ERC1: variants seen among roughly 807,000 people sequenced by gnomAD.
ERC1 encodes the protein RAB6 interacting protein 2.
Under a neutral mutation model 132.0 loss-of-function variants are expected in ERC1, and 56 were observed. The observed-to-expected ratio is 0.42, with a 90% CI of 0.34 to 0.53. The LOEUF is 0.53. Among genes scored for constraint, ERC1 ranks in the 20% least tolerant of loss-of-function variants. ERC1 has a pLI of 0.03. For synonymous variants in ERC1, 478 were observed against 476.1 expected (o/e 1.00, Z -0.05); for missense variants, 1,202 against 1,349.9 (o/e 0.89, Z 1.72).
intron 18 of ERC1, among the ~76,000 whole-genome samples, chr12:1,477,295 T>G (rs1010656787): frequency 4.6e-5 from 7 of 152,240 alleles, no homozygotes; most frequent in Non-Finnish European, 7.3e-5. Flanking sequence ...AGAATAATAC[T>G]TGGCCCATAA....
intron 8 of ERC1, among the ~76,000 whole-genome samples, chr12:1,155,726 C>T (rs1192736249): frequency 6.6e-6 from 1 of 152,134 alleles, no homozygotes; most frequent in Non-Finnish European, 1.5e-5. Context: ...CTGCCTCAGC[C>T]TCCCAAAGTG....
At chr12:1,107,828 G>A (rs925200051) in intron 4 of ERC1, among the ~76,000 whole-genome samples, 3 of 152,122 alleles carry the variant, frequency 2.0e-5, no homozygotes, top group African/African-American at 4.8e-5. Flanking sequence ...CTCCTTTGTG[G>A]TGTTGGGGTG....
chr12:1,349,110 AT>A (rs2084757712), intron 15 of ERC1, among the ~76,000 whole-genome samples: 1 of 152,202 alleles, frequency 6.6e-6, no homozygotes, highest in East Asian at 1.9e-4. Context: ...CTCAAAACAT[AT>A]TCAACAAGTA....
At chr12:1,052,152 T>C (rs1972133502) in intron 2 of ERC1, among the ~76,000 whole-genome samples, 1 of 152,216 alleles carries the variant, frequency 6.6e-6, no homozygotes, top group South Asian at 2.1e-4. Flanking sequence ...TCCTCAGAAT[T>C]TCTGATCGAG....
At chr12:1,389,690 AAATT>A (rs1432072923) in intron 16 of ERC1, among the ~76,000 whole-genome samples, 1 of 152,234 alleles carries the variant, frequency 6.6e-6, no homozygotes, top group Admixed American at 6.5e-5. Flanking sequence ...TTTGATATAT[AAATT>A]AATAAAGCTC....
At chr12:1,172,587 C>T (rs987664947) in intron 8 of ERC1, among the ~76,000 whole-genome samples, 12 of 152,126 alleles carry the variant, frequency 7.9e-5, no homozygotes, top group Non-Finnish European at 1.5e-4. Flanking sequence ...TTATCATTGA[C>T]GGCACAGATG....
chr12:1,289,929 G>A lies in ERC1; in HGVS notation c.2697G>A (p.Gln899=). The A allele has an allele frequency of 6.2e-7, 1 of 1,613,842 alleles. No individual in the cohort carries two copies. The highest frequency in any genetic ancestry group is 8.5e-7 in the Non-Finnish European group (1 of 1,179,736). Residue 899 remains glutamine (Q), a synonymous_variant, in exon 15 of 19, where the codon CAG becomes CAA. Transcript: ENST00000360905. ...TGAAAGCAAAGCTGTCCTCCACCCA[G>A]CAGTCTCTGGCAGAAAAGGAAACTC... is the stretch of plus-strand genomic sequence containing the variant. ...ESMKAKLSST[Q]QSLAEKETHL... is the part of the protein sequence containing the mutation.
chr12:1,486,346 T>C (rs1362217992), intron 18 of ERC1, among the ~76,000 whole-genome samples: 3 of 151,844 alleles, frequency 2.0e-5, no homozygotes, highest in Non-Finnish European at 4.4e-5. Context: ...GGTAATATTC[T>C]AGGTGATTTT....
chr12:1,202,040 T>C (rs917448439), intron 12 of ERC1, among the ~76,000 whole-genome samples: 3 of 152,188 alleles, frequency 2.0e-5, no homozygotes, highest in African/African-American at 7.2e-5. Flanking sequence ...ACCAGCATAT[T>C]ACAACTGAAG....
chr12:1,375,291 G>C (rs1018505559), intron 16 of ERC1, among the ~76,000 whole-genome samples: 2 of 152,132 alleles, frequency 1.3e-5, no homozygotes, highest in Non-Finnish European at 2.9e-5. Flanking sequence ...ATCAAGCGAG[G>C]AACTGCCACA....
At chr12:1,240,701 G>A (rs1002384193) in intron 13 of ERC1, among the ~76,000 whole-genome samples, 2 of 151,822 alleles carry the variant, frequency 1.3e-5, no homozygotes, top group Non-Finnish European at 2.9e-5. Flanking sequence ...AGCTTTGGTC[G>A]TATACCTTTG....
At chr12:1,142,145 A>T (rs1379548734) in intron 8 of ERC1, among the ~76,000 whole-genome samples, 1 of 152,154 alleles carries the variant, frequency 6.6e-6, no homozygotes, top group Non-Finnish European at 1.5e-5. Flanking sequence ...AACTTCATTT[A>T]TGTGTTTAAT....
chr12:1,392,421 TA>T (rs1321154274), intron 16 of ERC1, among the ~76,000 whole-genome samples: 1 of 152,188 alleles, frequency 6.6e-6, no homozygotes, highest in Non-Finnish European at 1.5e-5. Flanking sequence ...AAGTAATCAG[TA>T]GGTTGAATTT....
chr12:1,487,667 C>G (rs1263293039), intron 18 of ERC1, among the ~76,000 whole-genome samples: 7 of 151,318 alleles, frequency 4.6e-5, no homozygotes, highest in Non-Finnish European at 4.4e-5. Flanking sequence ...CCACAGTGAG[C>G]CTGATCAAAC....
chr12:1,179,758 C>T (rs1315350786), intron 8 of ERC1, among the ~76,000 whole-genome samples: 1 of 152,138 alleles, frequency 6.6e-6, no homozygotes, highest in Non-Finnish European at 1.5e-5. Context: ...CTGCCCGCCT[C>T]GGCCTCCCAA....
intron 2 of ERC1, among the ~76,000 whole-genome samples, chr12:1,069,598 A>G (rs1314759020): frequency 6.6e-6 from 1 of 152,234 alleles, no homozygotes; most frequent in Non-Finnish European, 1.5e-5. Flanking sequence ...ATTCAAGTAA[A>G]CAATCCTTAT....
chr12:1,380,418 C>T (rs767944523), intron 16 of ERC1: 2 of 152,252 alleles, frequency 1.3e-5, no homozygotes, highest in Non-Finnish European at 2.9e-5. Flanking sequence ...CCATCTGTCT[C>T]CTTCTCAGAT....
chr12:1,062,174 A>G (rs12825699), intron 2 of ERC1, among the ~76,000 whole-genome samples: 2,919 of 151,658 alleles, frequency 0.019, 74 homozygotes, highest in Non-Finnish European at 0.022. Flanking sequence ...TAGTAGAGAC[A>G]GGGTTTCACC....
chr12:1,058,450 C>T (rs565148090), intron 2 of ERC1, among the ~76,000 whole-genome samples: 5 of 152,248 alleles, frequency 3.3e-5, no homozygotes, highest in East Asian at 1.9e-4. Flanking sequence ...TTGAAGAGGG[C>T]GTCCTTTTCC....
Sources: allele counts gnomAD v4.1 joint callset (sites outside exome capture counted in the v4.1 genomes callset), GRCh38; gene constraint gnomAD v4.1.1; transcripts MANE v1.5; gene names NCBI Gene and HGNC (gene_info 2026-07-23, HGNC 2026-07-21).